The following CADPS2 variants were observed in gnomAD, a reference collection of about 807,000 sequenced individuals.
CADPS2 encodes the protein calcium dependent secretion activator 2.
A neutral mutation model predicts 172.5 loss-of-function variants in CADPS2; 93 were observed. The ratio of observed to expected loss-of-function variants is 0.54; its 90% CI spans 0.46 to 0.64. The LOEUF (loss-of-function observed/expected upper bound fraction) is 0.64. Among genes scored for constraint, CADPS2 ranks in the 30% least tolerant of loss-of-function variants. The probability of loss-of-function intolerance (pLI) is 0.00; values close to 1 mark genes in which losing one functional copy is unlikely to be tolerated. For missense variants in CADPS2, 1,420 were observed against 1,565.9 expected (o/e 0.91, Z 1.57); for synonymous variants, 546 against 555.2 (o/e 0.98, Z 0.23).
rs539560527 is a variant in CADPS2 at position 122,582,994 on chromosome 7, G to A, written c.1224-1704C>T. Among the ~76,000 whole-genome samples, 295 of 151,668 alleles carry A rather than the reference G, an allele frequency of 1.9e-3. 1 individual carries two copies. Among genetic ancestry groups the A allele is most frequent in the South Asian group, 3.5e-3 (17 of 4,812 alleles). On this transcript the variant is annotated intron_variant, in intron 6 of 29. Coordinates refer to ENST00000449022, the MANE Select transcript of CADPS2 (RefSeq NM_017954.11). ...AATACATGATTCTTCAAAGAGAAAA[G>A]TGAACTTTGTCTTTGAACCTGGTCC...
intron 3 of CADPS2, among the ~76,000 whole-genome samples, chr7:122,641,239 T>C (rs1563935411): frequency 6.6e-6 from 1 of 152,210 alleles, no homozygotes; most frequent in Non-Finnish European, 1.5e-5. Context: ...ATGTGTATCT[T>C]TATTATCTGC....
In CADPS2 at chr7:122,481,893, C is replaced by T. The variant is rs548255825; in HGVS notation, c.1853-1033G>A. Among the ~76,000 whole-genome samples, 5 of 151,964 alleles carry T rather than the reference C, an allele frequency of 3.3e-5. No homozygotes were observed. In the South Asian group the frequency reaches 1.0e-3, roughly 32 times the overall value. ...GGGTGTGGTGGCACACACCTGTAAT[C>T]CCGGCTGCTGAGATTACTTGGGAGG... On this transcript the variant is annotated intron_variant, in intron 11 of 29. Coordinates refer to ENST00000449022, the MANE Select transcript of CADPS2 (RefSeq NM_017954.11).
chr7:122,453,270 C>T lies in CADPS2; in HGVS notation c.2187-1795G>A, dbSNP rs536201375. ...TTTTTAGGAAGGAGGAAAAGTCTAA[C>T]GCATAAATTACAAAGCAGTGCACCA... On this transcript the variant is annotated intron_variant, in intron 14 of 29. Coordinates refer to ENST00000449022, the MANE Select transcript of CADPS2 (RefSeq NM_017954.11). Among the ~76,000 whole-genome samples, 115 of 152,098 alleles carry T rather than the reference C, an allele frequency of 7.6e-4. 3 individuals are homozygous for T. The highest frequency in any genetic ancestry group is 2.5e-3 in the African/African-American group (104 of 41,518).
In CADPS2 at chr7:122,474,515, C is replaced by G; in HGVS notation, c.1864G>C (p.Ala622Pro). The G allele has an allele frequency of 6.2e-7, 1 of 1,612,166 alleles. No individual in the cohort carries two copies. Among genetic ancestry groups the G allele is most frequent in the East Asian group, 2.2e-5 (1 of 44,680 alleles). Residue 622 changes from alanine to proline, a missense_variant and splice_region_variant, in exon 13 of 30, where the codon GCA (alanine) becomes CCA (proline). By Grantham distance (27) the Ala-to-Pro change is conservative. Coordinates refer to ENST00000449022, the MANE Select transcript of CADPS2 (RefSeq NM_017954.11). ...HADAQLSGKD[A>P]DRFQKHGMDE... ...ATACCATGTTTCTGAAAACGATCTG[C>G]ATCTGTAAATTCAGGAAAGCATGTA...
At chr7:122,500,542 AC>A (rs1270066060) in intron 9 of CADPS2, among the ~76,000 whole-genome samples, 1 of 152,142 alleles carries the variant, frequency 6.6e-6, no homozygotes, top group Non-Finnish European at 1.5e-5. Context: ...CACTCAAGAA[AC>A]AGTAAACATC....
chr7:122,737,278 G>C (rs139044897), intron 1 of CADPS2, among the ~76,000 whole-genome samples: 24,896 of 152,186 alleles, frequency 0.16, 2,698 homozygotes, highest in Admixed American at 0.26. Flanking sequence ...AGGCTGGAGT[G>C]CAGTGGTGCG....
At chr7:122,548,775 C>T (rs543028577) in intron 8 of CADPS2, among the ~76,000 whole-genome samples, 29 of 152,212 alleles carry the variant, frequency 1.9e-4, no homozygotes, top group African/African-American at 5.8e-4. Flanking sequence ...GAGCTTATTT[C>T]TTAGATAAAT....
At chr7:122,324,009 A>G (rs1342278487) in intron 29 of CADPS2, among the ~76,000 whole-genome samples, 1 of 151,186 alleles carries the variant, frequency 6.6e-6, no homozygotes, top group Non-Finnish European at 1.5e-5. Flanking sequence ...ACAAGAAACA[A>G]TGGAGAACTA....
chr7:122,674,538 T>C (rs1306100134), intron 2 of CADPS2, among the ~76,000 whole-genome samples: 1 of 152,212 alleles, frequency 6.6e-6, no homozygotes, highest in East Asian at 1.9e-4. Flanking sequence ...GGTGAACTAA[T>C]AACAAAAGTG....
intron 6 of CADPS2, among the ~76,000 whole-genome samples, chr7:122,587,848 T>G (rs913717805): frequency 6.6e-6 from 1 of 152,154 alleles, no homozygotes; most frequent in Non-Finnish European, 1.5e-5. Context: ...AAAGTGTTCC[T>G]ATTTCTCTGC....
intron 7 of CADPS2, among the ~76,000 whole-genome samples, chr7:122,561,761 T>A (rs1300486855): frequency 6.6e-6 from 1 of 152,146 alleles, no homozygotes; most frequent in Non-Finnish European, 1.5e-5. Context: ...CATAGTGAAC[T>A]GATCACTACA....
chr7:122,658,108 A>G (rs1416829512), intron 3 of CADPS2, among the ~76,000 whole-genome samples: 1 of 152,238 alleles, frequency 6.6e-6, no homozygotes, highest in Admixed American at 6.5e-5. Flanking sequence ...TCAAAAGAAG[A>G]CATTTATGCA....
At chr7:122,576,341 T>C (rs1376864866) in intron 7 of CADPS2, among the ~76,000 whole-genome samples, 2 of 152,192 alleles carry the variant, frequency 1.3e-5, no homozygotes, top group African/African-American at 2.4e-5. Flanking sequence ...CAAGAGAGTA[T>C]TGGCAGCATA....
intron 2 of CADPS2, among the ~76,000 whole-genome samples, chr7:122,692,757 G>C (rs1399271694): frequency 2.0e-5 from 3 of 152,256 alleles, no homozygotes; most frequent in African/African-American, 7.2e-5. Context: ...ATAGCTGAAA[G>C]AACACTCGGG....
At chr7:122,604,394 C>T (rs188439805) in intron 6 of CADPS2, among the ~76,000 whole-genome samples, 90 of 152,136 alleles carry the variant, frequency 5.9e-4, no homozygotes, top group African/African-American at 1.9e-3. Flanking sequence ...ACTTTAATGC[C>T]CCCTTAGGAA....
intron 1 of CADPS2, among the ~76,000 whole-genome samples, chr7:122,796,890 C>A (rs1796491876): frequency 6.6e-6 from 1 of 151,962 alleles, no homozygotes; most frequent in African/African-American, 2.4e-5. Flanking sequence ...AACTAAACAG[C>A]CTCTGCACAG....
intron 17 of CADPS2, among the ~76,000 whole-genome samples, chr7:122,426,711 G>A (rs1429339521): frequency 6.6e-6 from 1 of 152,156 alleles, no homozygotes; most frequent in Non-Finnish European, 1.5e-5. Flanking sequence ...TGCCATGAAA[G>A]CCATGCTGCT....
In CADPS2 at chr7:122,702,431, C is replaced by T. The variant is rs368845403; in HGVS notation, c.453+34524G>A. The T allele has an allele frequency of 1.4e-5, 23 of 1,613,650 alleles. No homozygotes were observed. Among genetic ancestry groups the T allele is most frequent in the Middle Eastern group, 1.6e-4 (1 of 6,084 alleles). On this transcript the variant is annotated intron_variant, in intron 2 of 29. Coordinates refer to ENST00000449022, the MANE Select transcript of CADPS2 (RefSeq NM_017954.11). ...TTTATGTGTAAAAGTACAGCCTCCA[C>T]GTTCGATGAGGGCCAGCCATGAGTC... is the stretch of plus-strand genomic sequence containing the variant.
At chr7:122,359,046 A>G (rs1041382651) in intron 27 of CADPS2, among the ~76,000 whole-genome samples, 1 of 152,124 alleles carries the variant, frequency 6.6e-6, no homozygotes, top group Non-Finnish European at 1.5e-5. Flanking sequence ...ACGTCTCATC[A>G]TGTATGTCCA....
Sources: allele counts gnomAD v4.1 joint callset (sites outside exome capture counted in the v4.1 genomes callset), GRCh38; gene constraint gnomAD v4.1.1; transcripts MANE v1.5; gene names NCBI Gene and HGNC (gene_info 2026-07-23, HGNC 2026-07-21).